Variants in GPM6B observed in about 807,000 individuals in gnomAD.
GPM6B encodes the protein neuronal membrane glycoprotein M6-b.
A neutral mutation model predicts 27.2 loss-of-function variants in GPM6B; 4 were observed. The observed-to-expected ratio is 0.15, with a 90% CI of 0.07 to 0.34. The LOEUF (loss-of-function observed/expected upper bound fraction) is 0.34, where lower values mean the gene tolerates loss of function less well. Among genes scored for constraint, GPM6B ranks in the 10% least tolerant of loss-of-function variants. The pLI, the probability that GPM6B is intolerant of heterozygous loss-of-function variation, is 1.00. For synonymous variants in GPM6B, 124 were observed against 103.1 expected, an observed-to-expected ratio of 1.20 and a Z score of -1.23; for missense variants, 183 against 261.9, an observed-to-expected ratio of 0.70 and a Z score of 2.08.
chrX:13,867,269 C>G (rs1357953049), intron 1 of GPM6B, among the ~76,000 whole-genome samples: 2 of 111,198 alleles, frequency 1.8e-5, no homozygotes. Flanking sequence ...GCCACTACGC[C>G]TGGCTAATTT....
intron 1 of GPM6B, among the ~76,000 whole-genome samples, chrX:13,906,152 T>G (rs2050329259): frequency 8.9e-6 from 1 of 112,417 alleles, no homozygotes; most frequent in Non-Finnish European, 1.9e-5. Context: ...CCGAATTGTT[T>G]TTCTTCACCC....
At position 13,807,732 on chromosome X, in the gene GPM6B, G is replaced by A. The variant is rs112718705; in HGVS notation, c.99C>T (p.His33=). Residue 33 remains histidine (H), a synonymous_variant, in exon 2 of 8, where the codon CAC becomes CAT. Transcript: ENST00000316715. ...GGTTCTTTGAGCCTGGGTACATCCA[G>A]TGGTACCTGCCAATTTCCATTTCAG... ...SRAEMEIGRY[H]WMYPGSKNHQ... is the part of the protein sequence containing the mutation. 16 of 1,204,986 alleles carry A rather than the reference G, an allele frequency of 1.3e-5. No individual in the cohort carries two copies. In the East Asian group the frequency reaches 4.4e-4, roughly 33 times the overall value.
intron 1 of GPM6B, among the ~76,000 whole-genome samples, chrX:13,885,776 A>G (rs1008566845): frequency 9.0e-6 from 1 of 111,455 alleles, no homozygotes; most frequent in African/African-American, 3.3e-5. Flanking sequence ...GATGGTGCCT[A>G]TGAAGTACAG....
chrX:13,854,326 A>G (rs1334238189), intron 1 of GPM6B, among the ~76,000 whole-genome samples: 1 of 112,020 alleles, frequency 8.9e-6, no homozygotes, highest in Non-Finnish European at 1.9e-5. Flanking sequence ...GCCAAAAAGG[A>G]TCTGAGGATG....
intron 1 of GPM6B, among the ~76,000 whole-genome samples, chrX:13,833,928 T>G (rs1208366502): frequency 8.9e-6 from 1 of 112,533 alleles, no homozygotes; most frequent in East Asian, 2.8e-4. Flanking sequence ...AAGGTGACAA[T>G]GTCACCCAGG....
intron 1 of GPM6B, among the ~76,000 whole-genome samples, chrX:13,865,751 T>C (rs1280833860): frequency 9.4e-6 from 1 of 106,527 alleles, no homozygotes; most frequent in Non-Finnish European, 1.9e-5. Flanking sequence ...AGCAAGACCC[T>C]GTCTCAAAAA....
intron 1 of GPM6B, among the ~76,000 whole-genome samples, chrX:13,900,285 C>T (rs948699313): frequency 8.9e-6 from 1 of 112,061 alleles, no homozygotes; most frequent in African/African-American, 3.2e-5. Flanking sequence ...CACCATTTTA[C>T]ACACATTAAA....
intron 1 of GPM6B, among the ~76,000 whole-genome samples, chrX:13,858,360 G>A (rs58238531): frequency 0.02 from 2,186 of 111,738 alleles, 54 homozygotes; most frequent in African/African-American, 0.067. Flanking sequence ...GTAAATGGTT[G>A]ACAACTGGCT....
At chrX:13,905,074 T>C (rs1759389533) in intron 1 of GPM6B, among the ~76,000 whole-genome samples, 1 of 106,966 alleles carries the variant, frequency 9.3e-6, no homozygotes, top group African/African-American at 3.4e-5. Context: ...ATCTCTACAA[T>C]TAAAAAATTA....
At chrX:13,816,798 C>T (rs754257986) in intron 1 of GPM6B, 46 bp downstream of exon 1, 2 of 1,191,379 alleles carry the variant, frequency 1.7e-6, no homozygotes, top group East Asian at 3.0e-5. Context: ...TTTAAGCACC[C>T]CCCAGTGAAA....
chrX:13,873,327 AGAGTGGCCTT>A (rs2050000223), intron 1 of GPM6B, among the ~76,000 whole-genome samples: 2 of 110,715 alleles, frequency 1.8e-5, no homozygotes, highest in Non-Finnish European at 3.8e-5. Flanking sequence ...AGAGCGACAG[AGAGTGGCCTT>A]GAGTCCCAGT....
chrX:13,791,463 T>G (rs775002808), intron 2 of GPM6B, among the ~76,000 whole-genome samples: 1 of 112,099 alleles, frequency 8.9e-6, no homozygotes, highest in South Asian at 3.7e-4. Flanking sequence ...CTAGTAATTC[T>G]CAATACCTCT....
intron 4 of GPM6B, among the ~76,000 whole-genome samples, chrX:13,782,415 G>A (rs1038775926): frequency 9.0e-6 from 1 of 111,511 alleles, no homozygotes; most frequent in Non-Finnish European, 1.9e-5. Context: ...ATCAGGCAGT[G>A]GATGACTTAA....
intron 1 of GPM6B, among the ~76,000 whole-genome samples, chrX:13,859,599 A>G (rs1021030456): frequency 9.1e-6 from 1 of 110,410 alleles, no homozygotes; most frequent in African/African-American, 3.3e-5. Context: ...ATGATTATAT[A>G]TGCAATAGAA....
intron 1 of GPM6B, among the ~76,000 whole-genome samples, chrX:13,858,130 T>G (rs1311846144): frequency 8.9e-6 from 1 of 112,273 alleles, no homozygotes; most frequent in East Asian, 2.8e-4. Context: ...TTTTTACATG[T>G]GTGCTTGTGA....
chrX:13,798,561 G>A (rs931297959), intron 2 of GPM6B, among the ~76,000 whole-genome samples: 1 of 112,720 alleles, frequency 8.9e-6, no homozygotes, highest in Non-Finnish European at 1.9e-5. Flanking sequence ...AGGTTTAAAT[G>A]TATTGGTTTA....
chrX:13,849,443 C>T (rs2049688596), intron 1 of GPM6B, among the ~76,000 whole-genome samples: 4 of 112,455 alleles, frequency 3.6e-5, no homozygotes, highest in Middle Eastern at 4.6e-3. Flanking sequence ...ACAGTCATTG[C>T]CATTGCCTGG....
At chrX:13,869,096 GAATA>G (rs746521392) in intron 1 of GPM6B, among the ~76,000 whole-genome samples, 1 of 112,096 alleles carries the variant, frequency 8.9e-6, no homozygotes, top group South Asian at 3.8e-4. Flanking sequence ...ACTGATGAAT[GAATA>G]AATAAATGTG....
chrX:13,928,899 G>T (rs964960531), intron 1 of GPM6B, among the ~76,000 whole-genome samples: 2 of 111,937 alleles, frequency 1.8e-5, no homozygotes, highest in Admixed American at 1.9e-4. Context: ...GCAGGGAGGA[G>T]TCTAGGTTGT....
Sources: gnomAD v4.1 joint callset for allele counts (sites outside exome capture counted in the v4.1 genomes callset) on GRCh38, gnomAD v4.1.1 for gene constraint, MANE v1.5 for transcripts, NCBI Gene and HGNC (gene_info 2026-07-23, HGNC 2026-07-21) for gene names.